COMMD1: variants seen among roughly 807,000 people sequenced by gnomAD.
COMMD1 encodes copper metabolism domain containing 1, also known as COMM domain-containing protein 1.
COMMD1 carries 10 observed loss-of-function variants against 17.2 expected under a neutral mutation model. The observed-to-expected ratio is 0.58, with a 90% CI of 0.36 to 0.99. COMMD1 has a LOEUF of 0.99. Ranked by LOEUF, COMMD1 falls within the 50% of genes least tolerant of loss-of-function variation. The pLI is 0.01. For synonymous variants in COMMD1, 97 were observed against 91.6 expected, an observed-to-expected ratio of 1.06 and a Z score of -0.34; for missense variants, 270 against 231.8, an observed-to-expected ratio of 1.17 and a Z score of -1.07.
chr2:62,121,605 G>A (rs1245360422), intron 2 of COMMD1, among the ~76,000 whole-genome samples: 2 of 151,404 alleles, frequency 1.3e-5, no homozygotes, highest in Non-Finnish European at 2.9e-5. Context: ...AGGCGTGTTG[G>A]TGTGCACCTG....
chr2:62,041,987 C>G (rs115689889), intron 2 of COMMD1, among the ~76,000 whole-genome samples: 9 of 152,328 alleles, frequency 5.9e-5, no homozygotes, highest in Middle Eastern at 3.4e-3. Flanking sequence ...GCTGCTGGCT[C>G]TGGTGGCCTG....
chr2:62,052,382 T>C (rs1670561000), intron 2 of COMMD1, among the ~76,000 whole-genome samples: 1 of 152,202 alleles, frequency 6.6e-6, no homozygotes, highest in Non-Finnish European at 1.5e-5. Flanking sequence ...AGTTTATTTC[T>C]CTTTTATGTA....
At chr2:61,992,894 C>G (rs756918054) in intron 1 of COMMD1, among the ~76,000 whole-genome samples, 11 of 151,896 alleles carry the variant, frequency 7.2e-5, no homozygotes, top group Non-Finnish European at 1.6e-4. Flanking sequence ...TTTTTTTCTT[C>G]CATTCAAGTA....
chr2:62,015,561 C>T (rs573608205), intron 2 of COMMD1, among the ~76,000 whole-genome samples: 17 of 152,104 alleles, frequency 1.1e-4, no homozygotes, highest in South Asian at 1.0e-3. Flanking sequence ...TTGGATCATA[C>T]GGTAATTCTA....
chr2:61,922,371 G>C (rs1670221745), intron 1 of COMMD1, among the ~76,000 whole-genome samples: 1 of 152,166 alleles, frequency 6.6e-6, no homozygotes. Context: ...AGGCTGGAAT[G>C]CAATGGCACG....
intron 1 of COMMD1, among the ~76,000 whole-genome samples, chr2:61,973,775 T>A (rs1312054046): frequency 6.6e-6 from 1 of 152,190 alleles, no homozygotes; most frequent in African/African-American, 2.4e-5. Context: ...TTTTTATCTT[T>A]TGCTATTTAA....
chr2:61,948,195 ACCT>A (rs1670960261), intron 1 of COMMD1, among the ~76,000 whole-genome samples: 4 of 152,116 alleles, frequency 2.6e-5, no homozygotes, highest in African/African-American at 4.8e-5. Context: ...TGCAGCCTTG[ACCT>A]CCTGGGCTCA....
At chr2:62,030,483 A>G (rs575444432) in intron 2 of COMMD1, among the ~76,000 whole-genome samples, 2 of 152,318 alleles carry the variant, frequency 1.3e-5, no homozygotes, top group East Asian at 1.9e-4. Context: ...CCACTAGTCA[A>G]CAGCACCCCC....
At chr2:61,920,482 A>G (rs1033092338) in intron 1 of COMMD1, among the ~76,000 whole-genome samples, 3 of 152,040 alleles carry the variant, frequency 2.0e-5, no homozygotes, top group African/African-American at 7.3e-5. Context: ...GAGTTGGCCA[A>G]AAGTGTTCCT....
Position 61,921,156 on chromosome 2 carries a change from G to T in COMMD1, c.180+15298G>T, listed in dbSNP as rs749089312. ...GGCCAAGTTTTGTATTTTTAGTAGA[G>T]ACAAGGTTTTACCATATTGGCCAGG... is the stretch of plus-strand genomic sequence containing the variant. On this transcript the variant is annotated intron_variant, in intron 1 of 2. Coordinates refer to ENST00000311832, the MANE Select transcript of COMMD1 (RefSeq NM_152516.4). 3.3e-5 allele frequency among the ~76,000 whole-genome samples: 5 copies of T among 151,784 alleles called. No individual in the cohort carries two copies. The East Asian group carries it at 7.8e-4, about 24-fold the overall frequency.
intron 1 of COMMD1, among the ~76,000 whole-genome samples, chr2:61,949,693 T>C (rs115455541): frequency 1.3e-5 from 2 of 152,244 alleles, no homozygotes; most frequent in African/African-American, 4.8e-5. Context: ...TGAAAACTTG[T>C]GTCCGTGGCC....
At chr2:61,912,963 A>C (rs1208870887) in intron 1 of COMMD1, among the ~76,000 whole-genome samples, 1 of 152,142 alleles carries the variant, frequency 6.6e-6, no homozygotes, top group Non-Finnish European at 1.5e-5. Context: ...CTGGAGTGAG[A>C]AGATTGCTTG....
At chr2:62,051,924 A>G (rs1670547429) in intron 2 of COMMD1, among the ~76,000 whole-genome samples, 1 of 152,224 alleles carries the variant, frequency 6.6e-6, no homozygotes, top group Non-Finnish European at 1.5e-5. Flanking sequence ...TTCACTCTTT[A>G]TACAAATGGC....
intron 1 of COMMD1, among the ~76,000 whole-genome samples, chr2:61,993,771 G>C (rs909969101): frequency 2.0e-5 from 3 of 152,088 alleles, no homozygotes; most frequent in African/African-American, 7.2e-5. Context: ...ATTGACCCTA[G>C]TTCAAGATAT....
intron 2 of COMMD1, among the ~76,000 whole-genome samples, chr2:62,017,455 C>T (rs1669483214): frequency 6.6e-6 from 1 of 151,680 alleles, no homozygotes; most frequent in Non-Finnish European, 1.5e-5. Flanking sequence ...ATCACTTGAG[C>T]CCAGGAGTTC....
intron 1 of COMMD1, among the ~76,000 whole-genome samples, chr2:61,962,637 A>G (rs1206394083): frequency 6.6e-6 from 1 of 152,188 alleles, no homozygotes; most frequent in Non-Finnish European, 1.5e-5. Flanking sequence ...ATCTCTGGAC[A>G]CTGAAGTTTG....
intron 1 of COMMD1, among the ~76,000 whole-genome samples, chr2:61,929,356 A>G (rs530782765): frequency 6.6e-6 from 1 of 152,226 alleles, no homozygotes; most frequent in East Asian, 1.9e-4. Flanking sequence ...AGCAAAAGTT[A>G]ATTTCATCTT....
At chr2:61,949,642 C>T (rs1178320575) in intron 1 of COMMD1, among the ~76,000 whole-genome samples, 2 of 149,684 alleles carry the variant, frequency 1.3e-5, no homozygotes, top group African/African-American at 4.9e-5. Context: ...AATTCCAGAT[C>T]AAGGCAGATT....
chr2:62,087,769 T>C (rs1404632305), intron 2 of COMMD1, among the ~76,000 whole-genome samples: 1 of 152,156 alleles, frequency 6.6e-6, no homozygotes, highest in Non-Finnish European at 1.5e-5. Flanking sequence ...AAAACCTTGA[T>C]AAATTTCATA....
Sources: allele counts gnomAD v4.1 joint callset (sites outside exome capture counted in the v4.1 genomes callset), GRCh38; gene constraint gnomAD v4.1.1; transcripts MANE v1.5; gene names NCBI Gene and HGNC (gene_info 2026-07-23, HGNC 2026-07-21).